The following KCNMA1 variants were observed in gnomAD, a reference collection of about 807,000 sequenced individuals.
KCNMA1 encodes potassium calcium-activated channel subfamily M alpha 1.
In KCNMA1, 29 loss-of-function variants were observed where a neutral mutation model predicts 140.0. The ratio of observed to expected loss-of-function variants is 0.21; its 90% CI spans 0.15 to 0.28. The LOEUF (loss-of-function observed/expected upper bound fraction) is 0.28, where lower values mean the gene tolerates loss of function less well. KCNMA1 is among the 10% of genes least tolerant of loss of function. KCNMA1 has a pLI of 1.00. For synonymous variants in KCNMA1, 612 were observed against 611.9 expected, an observed-to-expected ratio of 1.00 and a Z score of 0.00; for missense variants, 880 against 1,602.2, an observed-to-expected ratio of 0.55 and a Z score of 7.70.
chr10:77,478,203 T>C (rs1273597389), intron 1 of KCNMA1, among the ~76,000 whole-genome samples: 1 of 152,238 alleles, frequency 6.6e-6, no homozygotes, highest in Admixed American at 6.5e-5. Flanking sequence ...TGTCAGGATG[T>C]GGCAAAGAGT....
chr10:77,230,435 C>G (rs1411882586), intron 3 of KCNMA1, among the ~76,000 whole-genome samples: 1 of 152,170 alleles, frequency 6.6e-6, no homozygotes, highest in Non-Finnish European at 1.5e-5. Flanking sequence ...CTAATAGTTA[C>G]TTTTATGCTC....
At chr10:77,366,738 T>G (rs1035910856) in intron 2 of KCNMA1, among the ~76,000 whole-genome samples, 2 of 152,212 alleles carry the variant, frequency 1.3e-5, no homozygotes, top group Non-Finnish European at 2.9e-5. Context: ...TCTTTACAAA[T>G]GTGGATGAAC....
intron 23 of KCNMA1, among the ~76,000 whole-genome samples, chr10:76,935,755 T>C (rs2152755688): frequency 6.6e-6 from 1 of 152,292 alleles, no homozygotes; most frequent in East Asian, 1.9e-4. Flanking sequence ...TTTCTGTCTC[T>C]GAAGCTAAGA....
chr10:77,028,029 G>T, intron 15 of KCNMA1, 138 bp from the exon 16 acceptor site: 1 of 787,392 alleles, frequency 1.3e-6, no homozygotes, highest in East Asian at 2.6e-5. Flanking sequence ...TGTGCCAAAG[G>T]GAGGGGGTGG....
chr10:77,072,521 C>T (rs1217766216), intron 14 of KCNMA1, among the ~76,000 whole-genome samples: 2 of 151,878 alleles, frequency 1.3e-5, no homozygotes, highest in Admixed American at 6.6e-5. Flanking sequence ...GACATGAACA[C>T]ATCCAGACCG....
At chr10:76,933,594 C>A (rs143186816) in intron 23 of KCNMA1, among the ~76,000 whole-genome samples, 309 of 152,264 alleles carry the variant, frequency 2.0e-3, no homozygotes, top group African/African-American at 7.0e-3. Flanking sequence ...CTGTCGGAAC[C>A]TTTATTTATA....
intron 3 of KCNMA1, among the ~76,000 whole-genome samples, chr10:77,235,618 G>T (rs1410599798): frequency 6.6e-6 from 1 of 152,092 alleles, no homozygotes; most frequent in Non-Finnish European, 1.5e-5. Context: ...AGGTTATTCA[G>T]CCCGGGTATG....
intron 7 of KCNMA1, among the ~76,000 whole-genome samples, chr10:77,110,998 C>T (rs1341148040): frequency 1.3e-5 from 2 of 152,310 alleles, no homozygotes; most frequent in East Asian, 1.9e-4. Context: ...TGGCACAGCC[C>T]GTTAGATCAA....
chr10:77,483,131 C>A (rs1197634787), intron 1 of KCNMA1, among the ~76,000 whole-genome samples: 1 of 151,942 alleles, frequency 6.6e-6, no homozygotes, highest in Non-Finnish European at 1.5e-5. Context: ...TTAATTTGTT[C>A]AAGGGTTTAG....
chr10:76,892,048 T>C (rs1286689124), intron 25 of KCNMA1, among the ~76,000 whole-genome samples: 1 of 152,144 alleles, frequency 6.6e-6, no homozygotes, highest in Non-Finnish European at 1.5e-5. Context: ...AAAGTCTACG[T>C]GACTACTATG....
rs367778685 is a variant in KCNMA1 at position 77,473,295 on chromosome 10, G to A, written c.379-69272C>T. ...CAGGCATTGGAGGAGTTGCTGGACC[G>A]CAGAACTGAACACTCACATCCTCTG... is the stretch of plus-strand genomic sequence containing the variant. On this transcript the variant is annotated intron_variant, in intron 1 of 27. Coordinates refer to ENST00000286628, the MANE Select transcript of KCNMA1 (RefSeq NM_001161352.2). Among the ~76,000 whole-genome samples, 14 of 152,276 alleles carry A rather than the reference G, an allele frequency of 9.2e-5. No individual in the cohort carries two copies. In the East Asian group the frequency reaches 1.2e-3, roughly 13 times the overall value.
chr10:77,297,602 C>T (rs977559362), intron 2 of KCNMA1, among the ~76,000 whole-genome samples: 1 of 152,124 alleles, frequency 6.6e-6, no homozygotes, highest in African/African-American at 2.4e-5. Context: ...CTGTAAGGCA[C>T]TACACACGTC....
intron 1 of KCNMA1, among the ~76,000 whole-genome samples, chr10:77,585,101 G>A (rs895683590): frequency 5.3e-5 from 8 of 152,174 alleles, no homozygotes; most frequent in Admixed American, 6.5e-5. Flanking sequence ...TTGGCATACT[G>A]AACTCTGACC....
At chr10:77,125,444 T>C (rs7910574) in intron 5 of KCNMA1, among the ~76,000 whole-genome samples, 4,114 of 152,330 alleles carry the variant, frequency 0.027, 187 homozygotes, top group African/African-American at 0.094. Context: ...ACATGCAGCC[T>C]CTCTGCCTGG....
Position 76,970,044 on chromosome 10 carries a change from G to C in KCNMA1, c.2290C>G (p.Leu764Val). ...TTCCGTTGCTTTTTTTTTGGTGATA[G>C]TGTTGACGGCTGCTCATCTTCAACT... ...RAFEDEQPST[L>V]SPKKKQRNGG... is the part of the protein sequence containing the mutation. Residue 764 changes from leucine (L) to valine (V), a missense_variant, in exon 20 of 28, where the codon CTA becomes GTA. This residue lies in a region of KCNMA1 where 196 missense variants were observed against 233.0 expected (regional missense o/e 0.84). Coordinates refer to ENST00000286628, the MANE Select transcript of KCNMA1 (RefSeq NM_001161352.2). 1 of 1,613,782 alleles carries C rather than the reference G, an allele frequency of 6.2e-7. No individual in the cohort carries two copies. Among genetic ancestry groups the C allele is most frequent in the Non-Finnish European group, 8.5e-7 (1 of 1,179,830 alleles).
intron 1 of KCNMA1, among the ~76,000 whole-genome samples, chr10:77,508,788 C>A (rs554143534): frequency 6.6e-6 from 1 of 152,076 alleles, no homozygotes; most frequent in East Asian, 1.9e-4. Flanking sequence ...ACCCTGTAAC[C>A]AAAAACATCT....
rs150214377 is a variant in KCNMA1 at position 76,969,300 on chromosome 10, G to GGGAAGGAAGGAAGGAA, written c.2360+658_2360+673dup. Among the ~76,000 whole-genome samples the GGGAAGGAAGGAAGGAA allele has an allele frequency of 1.4e-3, 148 of 109,358 alleles. 3 individuals are homozygous for GGGAAGGAAGGAAGGAA. The highest frequency in any genetic ancestry group is 3.5e-3 in the South Asian group (10 of 2,822). The allele number at this position is 109,358 out of a possible 152,430, so 71.7% of individuals were successfully genotyped here. A position where few individuals can be genotyped will look rare whatever the true frequency, so the allele number is the denominator to read the frequency against. On this transcript the variant is annotated intron_variant, in intron 20 of 27. Coordinates refer to ENST00000286628, the MANE Select transcript of KCNMA1 (RefSeq NM_001161352.2). ...GGGGAAGAAGGGAAGGAAGGAAGGAGGGAAGGAAGGAAGGAAGGAAGGAAG... is the reference window on the plus strand; with the variant it reads ...GGGGAAGAAGGGAAGGAAGGAAGGAGGGAAGGAAGGAAGGAAGGAAGGAAGGAAGGAAGGAAGGAAG...
intron 25 of KCNMA1, among the ~76,000 whole-genome samples, chr10:76,895,729 T>G (rs934233942): frequency 6.6e-6 from 1 of 152,172 alleles, no homozygotes; most frequent in Non-Finnish European, 1.5e-5. Context: ...TTTCCTTAAG[T>G]GTCGGCCAGT....
At chr10:76,953,719 G>A in intron 21 of KCNMA1, 82 bp downstream of exon 21, 1 of 1,560,384 alleles carries the variant, frequency 6.4e-7, no homozygotes, top group South Asian at 1.1e-5. Flanking sequence ...TTATCCCACT[G>A]TCCAACTAGG....
Sources: gnomAD v4.1 joint callset for allele counts (sites outside exome capture counted in the v4.1 genomes callset) on GRCh38, gnomAD v4.1.1 for gene constraint, gnomAD v4.1.1 regional missense constraint, MANE v1.5 for transcripts, NCBI Gene and HGNC (gene_info 2026-07-23, HGNC 2026-07-21) for gene names.